The following CNTNAP2 variants were observed in gnomAD, a reference collection of about 807,000 sequenced individuals.
CNTNAP2 encodes the protein contactin-associated protein-like 2.
CNTNAP2 carries 98 observed loss-of-function variants against 155.2 expected under a neutral mutation model. That is an observed-to-expected ratio of 0.63 (90% confidence interval 0.54 to 0.75). CNTNAP2 has a LOEUF of 0.75. Ranked by LOEUF, CNTNAP2 falls within the 30% of genes least tolerant of loss-of-function variation. The probability of loss-of-function intolerance (pLI) is 0.00; values close to 1 mark genes in which losing one functional copy is unlikely to be tolerated. For missense variants in CNTNAP2, 1,727 were observed against 1,688.1 expected (o/e 1.02, Z -0.40); for synonymous variants, 651 against 631.2 (o/e 1.03, Z -0.47).
At chr7:146,436,156 G>A (rs890730543) in intron 1 of CNTNAP2, among the ~76,000 whole-genome samples, 1 of 152,018 alleles carries the variant, frequency 6.6e-6, no homozygotes, top group Non-Finnish European at 1.5e-5. Context: ...ATCTCTCCTA[G>A]CAATACTCTT....
At chr7:146,298,277 A>G (rs1800548174) in intron 1 of CNTNAP2, among the ~76,000 whole-genome samples, 1 of 152,200 alleles carries the variant, frequency 6.6e-6, no homozygotes, top group South Asian at 2.1e-4. Context: ...CGAGTCTTCA[A>G]AAAGTCTATA....
rs551671419 is a variant in CNTNAP2 at position 148,212,678 on chromosome 7, A to G, written c.3011-4610A>G. 3.9e-5 allele frequency among the ~76,000 whole-genome samples: 6 copies of G among 152,328 alleles called. No individual in the cohort carries two copies. In the South Asian group the frequency reaches 1.2e-3, roughly 32 times the overall value. On this transcript the variant is annotated intron_variant, in intron 18 of 23. Transcript: ENST00000361727. ...GGCTTGTTAATTTAGAGTTATTTTC[A>G]GTTATTCATTCAGAAGAGATGAGAG...
intron 14 of CNTNAP2, among the ~76,000 whole-genome samples, chr7:147,926,694 G>A (rs181431625): frequency 4.7e-4 from 71 of 152,114 alleles, no homozygotes; most frequent in Non-Finnish European, 9.0e-4. Context: ...AAACACGTAA[G>A]ATAAATGTCA....
chr7:147,905,077 G>A (rs1034723676), intron 14 of CNTNAP2, among the ~76,000 whole-genome samples: 1 of 152,212 alleles, frequency 6.6e-6, no homozygotes, highest in Non-Finnish European at 1.5e-5. Context: ...TTATGAGTCA[G>A]CAACTCTTCT....
chr7:146,305,209 G>A (rs927712685), intron 1 of CNTNAP2, among the ~76,000 whole-genome samples: 1 of 152,078 alleles, frequency 6.6e-6, no homozygotes, highest in South Asian at 2.1e-4. Context: ...TTTGCGATGG[G>A]TTCGTACATC....
At chr7:147,722,487 C>T (rs780277111) in intron 13 of CNTNAP2, among the ~76,000 whole-genome samples, 5 of 151,992 alleles carry the variant, frequency 3.3e-5, no homozygotes, top group African/African-American at 4.8e-5. Flanking sequence ...ATAGTGTATC[C>T]GGCAGTTTGC....
chr7:148,018,282 T>C (rs1802214721), intron 15 of CNTNAP2, among the ~76,000 whole-genome samples: 2 of 152,202 alleles, frequency 1.3e-5, no homozygotes, highest in African/African-American at 4.8e-5. Context: ...TCTGTAAATA[T>C]GGGCTGATAA....
intron 8 of CNTNAP2, among the ~76,000 whole-genome samples, chr7:147,161,382 G>T (rs1377456999): frequency 1.3e-5 from 2 of 152,114 alleles, no homozygotes; most frequent in African/African-American, 4.8e-5. Flanking sequence ...GAGCACATAT[G>T]TGTATATTAA....
chr7:148,172,311 A>G lies in CNTNAP2; in HGVS notation c.2843A>G (p.Asp948Gly), dbSNP rs1805807933. The stretch of plus-strand genomic sequence containing the variant: ...TTGAGGATGAATGGGGTGACACTTG[A>G]CCTGGAGGAAAGAGCAAAGGTCACA... ...RSLRMNGVTL[D>G]LEERAKVTSG... is the part of the protein sequence containing the mutation. The change falls in exon 18 of 24, where the codon GAC becomes GGC. Residue 948 changes from aspartate to glycine, a missense_variant. Physicochemically the swap from Asp to Gly is moderately conservative, Grantham distance 94. Coordinates refer to ENST00000361727, the MANE Select transcript of CNTNAP2 (RefSeq NM_014141.6). 1 of 1,614,090 alleles carries G rather than the reference A, an allele frequency of 6.2e-7. No individual in the cohort carries two copies. Among genetic ancestry groups the G allele is most frequent in the Non-Finnish European group, 8.5e-7 (1 of 1,180,010 alleles).
chr7:146,503,224 C>G (rs77940009), intron 1 of CNTNAP2, among the ~76,000 whole-genome samples: 13,010 of 151,786 alleles, frequency 0.086, 1,467 homozygotes, highest in African/African-American at 0.26. Flanking sequence ...TTGTTTGTTT[C>G]TTTTTGCTTT....
rs572745354 is a variant in CNTNAP2, at chr7:146,451,868, TAC to T, written c.98-322402_98-322401del. Among the ~76,000 whole-genome samples the T allele has an allele frequency of 5.2e-3, 327 of 63,412 alleles. 18 individuals carry two copies. The highest frequency in any genetic ancestry group is 0.033 in the African/African-American group (227 of 6,982). The allele number at this position is 63,412 out of a possible 152,430, so 41.6% of individuals were successfully genotyped here. A position where few individuals can be genotyped will look rare whatever the true frequency, so the allele number is the denominator to read the frequency against. ...TATACACGTATTCTATATATATATA[TAC>T]GTATATATACACATATACATATATT... On this transcript the variant is annotated intron_variant, in intron 1 of 23. Transcript: ENST00000361727.
chr7:146,536,643 A>G (rs1161481596), intron 1 of CNTNAP2, among the ~76,000 whole-genome samples: 1 of 150,602 alleles, frequency 6.6e-6, no homozygotes, highest in Non-Finnish European at 1.5e-5. Flanking sequence ...TATGGAAAAG[A>G]AACTAATGCA....
chr7:147,013,907 C>A (rs540534434), intron 3 of CNTNAP2, among the ~76,000 whole-genome samples: 17 of 152,096 alleles, frequency 1.1e-4, no homozygotes, highest in African/African-American at 4.1e-4. Flanking sequence ...TTCTCTCTTC[C>A]GACATGCTTT....
intron 3 of CNTNAP2, among the ~76,000 whole-genome samples, chr7:146,856,936 G>A (rs1202394388): frequency 6.6e-6 from 1 of 152,114 alleles, no homozygotes; most frequent in African/African-American, 2.4e-5. Flanking sequence ...ATACCTACCT[G>A]TAATACGTGA....
chr7:147,450,509 T>A (rs1006136357), intron 10 of CNTNAP2, among the ~76,000 whole-genome samples: 5 of 152,214 alleles, frequency 3.3e-5, no homozygotes, highest in African/African-American at 1.2e-4. Flanking sequence ...TCCTGACCTA[T>A]AGAAACTGTG....
At chr7:147,855,512 C>T (rs1439364783) in intron 13 of CNTNAP2, among the ~76,000 whole-genome samples, 2 of 123,596 alleles carry the variant, frequency 1.6e-5, no homozygotes, top group Non-Finnish European at 3.6e-5. Flanking sequence ...GTAGGCTCGG[C>T]ATGGTGGCTC....
intron 4 of CNTNAP2, among the ~76,000 whole-genome samples, chr7:147,046,815 G>A (rs1799365693): frequency 6.6e-6 from 1 of 151,916 alleles, no homozygotes; most frequent in Non-Finnish European, 1.5e-5. Context: ...GGATCACGAG[G>A]TCAGGAGATC....
At chr7:146,622,909 A>G (rs1160788512) in intron 1 of CNTNAP2, among the ~76,000 whole-genome samples, 2 of 151,318 alleles carry the variant, frequency 1.3e-5, no homozygotes, top group South Asian at 2.1e-4. Context: ...GTGAGCTGAG[A>G]TCATGCCATT....
chr7:147,012,272 C>T (rs1435032221), intron 3 of CNTNAP2, among the ~76,000 whole-genome samples: 1 of 151,962 alleles, frequency 6.6e-6, no homozygotes, highest in Non-Finnish European at 1.5e-5. Flanking sequence ...AACCCTCATT[C>T]TAAGGTTTGT....
Sources: gnomAD v4.1 joint callset for allele counts (sites outside exome capture counted in the v4.1 genomes callset) on GRCh38, gnomAD v4.1.1 for gene constraint, MANE v1.5 for transcripts, NCBI Gene and HGNC (gene_info 2026-07-23, HGNC 2026-07-21) for gene names.